The following LYPLA2 variants were observed in gnomAD, a reference collection of about 807,000 sequenced individuals.
LYPLA2 encodes the protein acyl-protein thioesterase 2.
In LYPLA2, 7 loss-of-function variants were observed where a neutral mutation model predicts 30.3. The observed-to-expected ratio is 0.23, with a 90% CI of 0.13 to 0.43. The LOEUF is 0.43. Among genes scored for constraint, LYPLA2 ranks in the 20% least tolerant of loss-of-function variants. LYPLA2 has a pLI of 1.00. For missense variants in LYPLA2, 206 were observed against 307.9 expected, an observed-to-expected ratio of 0.67 and a Z score of 2.48; for synonymous variants, 112 against 118.2, an observed-to-expected ratio of 0.95 and a Z score of 0.34.
Position 23,795,335 on chromosome 1 carries a change from C to T in LYPLA2, c.*603C>T, listed in dbSNP as rs1319801043. On this transcript the variant is annotated 3_prime_UTR_variant, in exon 10 of 10. Coordinates refer to ENST00000374514, the MANE Select transcript of LYPLA2 (RefSeq NM_007260.3). Reference sequence around the variant, plus strand: ...GGCTGGGCCCTGCCTCCCCGTTACCCTCCTTCCCTGCAGGCCTGGAGCCTG... The same window carrying T: ...GGCTGGGCCCTGCCTCCCCGTTACCTTCCTTCCCTGCAGGCCTGGAGCCTG... 4.5e-6 allele frequency: 1 copy of T among 223,926 alleles called. No individual in the cohort carries two copies. Among genetic ancestry groups the T allele is most frequent in the Non-Finnish European group, 9.1e-6 (1 of 109,908 alleles). The allele number at this position is 223,926 out of a possible 1,614,324, so 13.9% of individuals were successfully genotyped here.
intron 1 of LYPLA2, among the ~76,000 whole-genome samples, chr1:23,791,504 G>C (rs933582716): frequency 2.0e-5 from 3 of 152,168 alleles, no homozygotes; most frequent in Admixed American, 2.0e-4. Flanking sequence ...AGAGTCAAAG[G>C]TACAAAGCTT....
rs376065754 is a variant in LYPLA2 at position 23,793,823 on chromosome 1, G to A, written c.225-37G>A. ...CTGAGGGAGCCACAGGGGGCTGGCT[G>A]GGGTTTTCTATAGCTGCCAGTGCCT... On this transcript the variant is annotated intron_variant, in intron 5 of 9. Coordinates refer to ENST00000374514, the MANE Select transcript of LYPLA2 (RefSeq NM_007260.3). This position sits in a 1 kb window ranked among gnomAD's most constrained non-coding sequence, Gnocchi z 6.0. 1.2e-5 allele frequency: 20 copies of A among 1,612,618 alleles called. No homozygotes were observed. Among genetic ancestry groups the A allele is most frequent in the Non-Finnish European group, 1.5e-5 (18 of 1,178,646 alleles).
chr1:23,791,445 A>C (rs964701502), intron 1 of LYPLA2, among the ~76,000 whole-genome samples, 195 bp downstream of exon 1: 1 of 152,058 alleles, frequency 6.6e-6, no homozygotes, highest in Non-Finnish European at 1.5e-5. Context: ...AAAGAGACAG[A>C]CTTCAGGGTC....
intron 1 of LYPLA2, 117 bp from the exon 2 acceptor site, chr1:23,792,537 ATTC>A: frequency 1.5e-6 from 1 of 653,498 alleles, no homozygotes; most frequent in Non-Finnish European, 2.8e-6. Context: ...TTGCTTGACT[ATTC>A]TTTGTGCCCA....
Position 23,793,249 on chromosome 1 carries a change from G to A in LYPLA2, c.176+33G>A, listed in dbSNP as rs1638836791. On this transcript the variant is annotated intron_variant, in intron 4 of 9. Transcript: ENST00000374514. This position sits in a 1 kb window ranked among gnomAD's most constrained non-coding sequence, Gnocchi z 6.0. ...TCACCCCAGCAAGGGAGGGGCTGAG[G>A]CTGGGGATCATCTGGGGGTGGTCCT... The A allele has an allele frequency of 6.2e-7, 1 of 1,605,512 alleles. No individual in the cohort carries two copies.
chr1:23,791,642 TGTATA>T (rs1440582474), intron 1 of LYPLA2, among the ~76,000 whole-genome samples: 3 of 150,492 alleles, frequency 2.0e-5, no homozygotes, highest in Non-Finnish European at 4.4e-5. Flanking sequence ...GTTCTCAAGG[TGTATA>T]GAGAGAGACA....
In LYPLA2 at chr1:23,794,251, C is replaced by T; in HGVS notation, c.397C>T (p.Leu133Phe). ...QGGALSLYTA[L>F]TCPHPLAGIV... ...CGGGGCCCTGTCCCTCTACACGGCC[C>T]TCACCTGCCCCCACCCTCTGGCTGG... The change falls in exon 8 of 10, where the codon CTC (leucine) becomes TTC (phenylalanine). Residue 133 changes from leucine (L) to phenylalanine (F), a missense_variant. Transcript: ENST00000374514. This position sits in a 1 kb window ranked among gnomAD's most constrained non-coding sequence, Gnocchi z 5.9. 3.7e-6 allele frequency: 6 copies of T among 1,611,836 alleles called. No individual in the cohort carries two copies. Among genetic ancestry groups the T allele is most frequent in the Non-Finnish European group, 5.1e-6 (6 of 1,179,786 alleles).
At position 23,794,280 on chromosome 1, in the gene LYPLA2, C is replaced by A. The variant is rs1463080200; in HGVS notation, c.426C>A (p.Ile142=). ...ALTCPHPLAG[I]VALSCWLPLH... Reference sequence around the variant, plus strand: ...CCTGCCCCCACCCTCTGGCTGGCATCGTGGCGTTGAGCTGCTGGCTGCCTC... The same window carrying A: ...CCTGCCCCCACCCTCTGGCTGGCATAGTGGCGTTGAGCTGCTGGCTGCCTC... The change falls in exon 8 of 10, where the codon ATC becomes ATA. Residue 142 remains isoleucine (I), a synonymous_variant. Coordinates refer to ENST00000374514, the MANE Select transcript of LYPLA2 (RefSeq NM_007260.3). The surrounding 1 kb of genome is among the most constrained non-coding windows in gnomAD (Gnocchi z 5.9). The A allele has an allele frequency of 5.0e-6, 8 of 1,612,526 alleles. No individual in the cohort carries two copies. The highest frequency in any genetic ancestry group is 5.1e-6 in the Non-Finnish European group (6 of 1,179,908).
In LYPLA2 at chr1:23,793,995, C is replaced by T. The variant is rs565760763; in HGVS notation, c.295+65C>T. The T allele has an allele frequency of 3.9e-5, 62 of 1,588,240 alleles. No individual in the cohort carries two copies. The East Asian group carries it at 5.4e-4, about 14-fold the overall frequency. On this transcript the variant is annotated intron_variant, in intron 6 of 9. Coordinates refer to ENST00000374514, the MANE Select transcript of LYPLA2 (RefSeq NM_007260.3). The surrounding 1 kb of genome is among the most constrained non-coding windows in gnomAD (Gnocchi z 6.0). ...CCCCCCAGGAAAGCGCTGGGCGGTT[C>T]CTCAGCCTAGCTCCCTTATTGGGCC... is the stretch of plus-strand genomic sequence containing the variant.
At position 23,794,523 on chromosome 1, in the gene LYPLA2, A is replaced by C. The variant is rs1304819195; in HGVS notation, c.568A>C (p.Lys190Gln). ...PVRFGALTAE[K>Q]LRSVVTPARV... is the part of the protein sequence containing the mutation. ...ACGGTTTGGGGCCCTGACGGCTGAG[A>C]AGCTCCGGTCTGTTGTCACACCTGC... Residue 190 changes from lysine to glutamine, a missense_variant, in exon 9 of 10, where the codon AAG becomes CAG. Lys to Gln is a moderately conservative substitution (Grantham distance 53, BLOSUM62 1). Coordinates refer to ENST00000374514, the MANE Select transcript of LYPLA2 (RefSeq NM_007260.3). The surrounding 1 kb of genome is among the most constrained non-coding windows in gnomAD (Gnocchi z 5.9). The C allele has an allele frequency of 6.2e-7, 1 of 1,614,016 alleles. No individual in the cohort carries two copies. Among genetic ancestry groups the C allele is most frequent in the Admixed American group, 1.7e-5 (1 of 60,014 alleles).
Position 23,792,759 on chromosome 1 carries a change from C to T in LYPLA2, c.77C>T (p.Ala26Val), listed in dbSNP as rs375628913. 4.3e-6 allele frequency: 7 copies of T among 1,611,914 alleles called. No homozygotes were observed. Among genetic ancestry groups the T allele is most frequent in the Admixed American group, 1.7e-5 (1 of 59,988 alleles). The change falls in exon 2 of 10, where the codon GCG (alanine) becomes GTG (valine). Residue 26 changes from alanine to valine, a missense_variant and splice_region_variant. Physicochemically the swap from Ala to Val is moderately conservative, Grantham distance 64. Coordinates refer to ENST00000374514, the MANE Select transcript of LYPLA2 (RefSeq NM_007260.3). ...TVSGAERETAAVIFLHGLGDT... is the reference protein window; with the variant it reads ...TVSGAERETAVVIFLHGLGDT... ...TCTGGAGCTGAGCGGGAAACGGCCGCGGTAAGGGTCCCCTTTCACCCACGG... is the reference window on the plus strand; with the variant it reads ...TCTGGAGCTGAGCGGGAAACGGCCGTGGTAAGGGTCCCCTTTCACCCACGG...
chr1:23,794,115 C>T lies in LYPLA2; in HGVS notation c.348C>T (p.Ile116=), dbSNP rs1463953193. 8 of 1,575,264 alleles carry T rather than the reference C, an allele frequency of 5.1e-6. No individual in the cohort carries two copies. Among genetic ancestry groups the T allele is most frequent in the South Asian group, 1.1e-5 (1 of 90,176 alleles). ...EMKNGIPANR[I]VLGGFSQGGA... ...AGAACGGGATCCCTGCCAATCGAAT[C>T]GTCCTGGGAGGCTTTTCACAGGTGA... Residue 116 remains isoleucine (I), a synonymous_variant, in exon 7 of 10, where the codon ATC becomes ATT. Coordinates refer to ENST00000374514, the MANE Select transcript of LYPLA2 (RefSeq NM_007260.3). The surrounding 1 kb of genome is among the most constrained non-coding windows in gnomAD (Gnocchi z 5.9).
At chr1:23,792,782 C>T (rs1309329799) in intron 2 of LYPLA2, 22 bp downstream of exon 2, 9 of 1,593,674 alleles carry the variant, frequency 5.6e-6, no homozygotes, top group South Asian at 2.2e-5. Context: ...CTTTCACCCA[C>T]GGCCAGACAC....
intron 1 of LYPLA2, 150 bp from the exon 2 acceptor site, chr1:23,792,507 C>T: frequency 1.1e-5 from 7 of 621,300 alleles, no homozygotes; most frequent in Non-Finnish European, 2.9e-6. Flanking sequence ...CAGACTTCTT[C>T]TCCTGTGCCC....
Position 23,794,612 on chromosome 1 carries a change from G to T in LYPLA2, c.645+12G>T. 6.2e-7 allele frequency: 1 copy of T among 1,614,056 alleles called. No homozygotes were observed. Among genetic ancestry groups the T allele is most frequent in the East Asian group, 2.2e-5 (1 of 44,876 alleles). ...GCTCCTGTCCTCAGGTCAGTGGGGG[G>T]ACCATTTCCCACTCCCACTTCTCTG... On this transcript the variant is annotated intron_variant, in intron 9 of 9. Coordinates refer to ENST00000374514, the MANE Select transcript of LYPLA2 (RefSeq NM_007260.3). This position sits in a 1 kb window ranked among gnomAD's most constrained non-coding sequence, Gnocchi z 5.9.
Position 23,793,037 on chromosome 1 carries a change from A to C in LYPLA2, c.108A>C (p.Thr36=), listed in dbSNP as rs748075123. ...AVIFLHGLGD[T]GHSWADALST... ...TTTTTTTACATGGACTTGGAGACAC[A>C]GGGTAAGTGACTGAGGAGGGGTGCT... Residue 36 remains threonine (T), a splice_region_variant and synonymous_variant, in exon 3 of 10, where the codon ACA becomes ACC. Transcript: ENST00000374514. This position sits in a 1 kb window ranked among gnomAD's most constrained non-coding sequence, Gnocchi z 6.0. The C allele has an allele frequency of 6.2e-7, 1 of 1,613,340 alleles. No homozygotes were observed.
At position 23,794,989 on chromosome 1, in the gene LYPLA2, T is replaced by C. The variant is rs978654608; in HGVS notation, c.*257T>C. ...GAGGCGGGCCCCCCTGGCAGCAGTA[T>C]TGGAGGGGCTACAGGCAGCTGGAGA... On this transcript the variant is annotated 3_prime_UTR_variant, in exon 10 of 10. Coordinates refer to ENST00000374514, the MANE Select transcript of LYPLA2 (RefSeq NM_007260.3). This position sits in a 1 kb window ranked among gnomAD's most constrained non-coding sequence, Gnocchi z 5.9. 18 of 674,132 alleles carry C rather than the reference T, an allele frequency of 2.7e-5. No individual in the cohort carries two copies. The East Asian group carries it at 4.3e-4, about 16-fold the overall frequency. 41.8% of individuals were successfully genotyped at this position (674,132 alleles called of 1,614,324 possible). A position where few individuals can be genotyped will look rare whatever the true frequency, so the allele number is the denominator to read the frequency against.
In LYPLA2 at chr1:23,795,520, T is replaced by TAA. The variant is rs1309863729; in HGVS notation, c.*790_*791dup. The TAA allele has an allele frequency of 5.9e-5, 14 of 235,492 alleles. No homozygotes were observed. The highest frequency in any genetic ancestry group is 2.5e-4 in the African/African-American group (11 of 43,422). The allele number at this position is 235,492 out of a possible 1,614,324, so 14.6% of individuals were successfully genotyped here. On this transcript the variant is annotated 3_prime_UTR_variant, in exon 10 of 10. Transcript: ENST00000374514. ...GTTGTGTCCTGGATTCCGATAAAAT[T>TAA]AAAGAAATTGCTTCCTCAACGCTCA...
Position 23,794,204 on chromosome 1 carries a change from C to CCT in LYPLA2, c.370-12_370-11dup, listed in dbSNP as rs1319306665. 2 of 1,597,710 alleles carry CCT rather than the reference C, an allele frequency of 1.3e-6. No individual in the cohort carries two copies. Among genetic ancestry groups the CCT allele is most frequent in the East Asian group, 2.2e-5 (1 of 44,568 alleles). ...GTGAGTGAGCTGTGCCCTCATGACC[C>CCT]CTCTCTCTCCTCCCTCCAGGGCGGG... On this transcript the variant is annotated intron_variant, in intron 7 of 9. Transcript: ENST00000374514. The surrounding 1 kb of genome is among the most constrained non-coding windows in gnomAD (Gnocchi z 5.9).
Sources: allele counts gnomAD v4.1 joint callset (sites outside exome capture counted in the v4.1 genomes callset), GRCh38; gene constraint gnomAD v4.1.1; non-coding constraint Gnocchi (gnomAD v3.1); transcripts MANE v1.5; gene names NCBI Gene and HGNC (gene_info 2026-07-23, HGNC 2026-07-21).